The following TNS1 variants were observed in gnomAD, a reference collection of about 807,000 sequenced individuals.
TNS1 encodes tensin-1.
In TNS1, 62 loss-of-function variants were observed where a neutral mutation model predicts 168.6. The ratio of observed to expected loss-of-function variants is 0.37; its 90% CI spans 0.30 to 0.45. The LOEUF (loss-of-function observed/expected upper bound fraction) is 0.45, where lower values mean the gene tolerates loss of function less well. Among genes scored for constraint, TNS1 ranks in the 20% least tolerant of loss-of-function variants. The pLI is 1.00. For synonymous variants in TNS1, 934 were observed against 933.2 expected (o/e 1.00, Z -0.02); for missense variants, 2,240 against 2,339.4 (o/e 0.96, Z 0.88).
At chr2:217,876,455 G>C (rs940882148) in intron 18 of TNS1, among the ~76,000 whole-genome samples, 1 of 152,186 alleles carries the variant, frequency 6.6e-6, no homozygotes, top group African/African-American at 2.4e-5. Flanking sequence ...GAGAGGCAGA[G>C]GTGCCCGCAA....
upstream of TNS1, among the ~76,000 whole-genome samples, chr2:218,007,858 C>A (rs928065617): frequency 6.6e-6 from 1 of 152,168 alleles, no homozygotes; most frequent in Non-Finnish European, 1.5e-5. Flanking sequence ...CCCATCCATG[C>A]CCTACCCACC....
At chr2:217,811,873 C>T (rs1559146520) in intron 28 of TNS1, among the ~76,000 whole-genome samples, 1 of 152,206 alleles carries the variant, frequency 6.6e-6, no homozygotes, top group African/African-American at 2.4e-5. Context: ...AGCTCAGCAT[C>T]CCCTTAGTCA....
chr2:217,860,177 C>T (rs915188639), intron 18 of TNS1, among the ~76,000 whole-genome samples: 2 of 152,224 alleles, frequency 1.3e-5, no homozygotes, highest in Non-Finnish European at 2.9e-5. Flanking sequence ...CACAGCCCAA[C>T]TACTCCCTGT....
chr2:217,852,994 C>A (rs376898989), intron 18 of TNS1, among the ~76,000 whole-genome samples: 2 of 152,108 alleles, frequency 1.3e-5, no homozygotes, highest in Non-Finnish European at 2.9e-5. Flanking sequence ...TCTGCTGAAA[C>A]CCCAGCATAG....
chr2:217,973,746 C>T (rs760622270), intron 3 of TNS1, among the ~76,000 whole-genome samples: 2 of 152,172 alleles, frequency 1.3e-5, no homozygotes, highest in Admixed American at 6.5e-5. Context: ...ATGGGGCCAC[C>T]GTGAGCCCTG....
rs3791979 is a variant in TNS1 at position 217,802,649 on chromosome 2, T to C, written c.*1810A>G. On this transcript the variant is annotated 3_prime_UTR_variant, in exon 33 of 33. Coordinates refer to ENST00000682258, the MANE Select transcript of TNS1 (RefSeq NM_001387777.1). ...CCAGGGCAAGGAGACCCTGGCTGCT[T>C]CAAGAACAAAGGCCCCCTACACTTC... 99,819 of 152,438 alleles carry C rather than the reference T, an allele frequency of 0.65. 33,458 individuals are homozygous for C. Among genetic ancestry groups the C allele is most frequent in the African/African-American group, 0.8 (33,244 of 41,504 alleles). 9.4% of individuals were successfully genotyped at this position (152,438 alleles called of 1,614,324 possible). A position where few individuals can be genotyped will look rare whatever the true frequency, so the allele number is the denominator to read the frequency against.
At chr2:217,938,153 T>C (rs1362876159) in intron 3 of TNS1, among the ~76,000 whole-genome samples, 1 of 152,158 alleles carries the variant, frequency 6.6e-6, no homozygotes. Flanking sequence ...AAGCCCATTC[T>C]TTCTCCAAAA....
intron 4 of TNS1, among the ~76,000 whole-genome samples, chr2:217,911,533 C>T (rs904280286): frequency 6.6e-6 from 1 of 152,236 alleles, no homozygotes; most frequent in South Asian, 2.1e-4. Context: ...TTTTCATAAA[C>T]TTATTGCAAG....
chr2:217,907,098 C>A, intron 5 of TNS1, 112 bp downstream of exon 5: 1 of 659,468 alleles, frequency 1.5e-6, no homozygotes, highest in South Asian at 1.6e-5. Flanking sequence ...ACTCCGGAAG[C>A]ATTTCCCCAA....
chr2:217,961,813 G>T (rs1320693396), intron 3 of TNS1, among the ~76,000 whole-genome samples: 1 of 152,090 alleles, frequency 6.6e-6, no homozygotes, highest in Non-Finnish European at 1.5e-5. Context: ...CTAGGCTATA[G>T]TACCCAGTGA....
chr2:217,859,619 T>A, intron 18 of TNS1: 1 of 1,533,742 alleles, frequency 6.5e-7, no homozygotes, highest in South Asian at 1.2e-5. Flanking sequence ...AAGGCCAGTG[T>A]GTGTCTGGCC....
At chr2:217,875,870 C>T (rs1410716640) in intron 18 of TNS1, among the ~76,000 whole-genome samples, 3 of 152,256 alleles carry the variant, frequency 2.0e-5, no homozygotes, top group South Asian at 2.1e-4. Flanking sequence ...CACCAGCCCC[C>T]GGTTCTGGTG....
chr2:217,900,736 C>T, intron 6 of TNS1: 1 of 572,836 alleles, frequency 1.7e-6, no homozygotes, highest in East Asian at 3.1e-5. Flanking sequence ...CCCAGAGGGA[C>T]AAAAGGAAGA....
intron 3 of TNS1, among the ~76,000 whole-genome samples, chr2:217,945,569 G>A (rs1329188815): frequency 6.6e-6 from 1 of 152,178 alleles, no homozygotes; most frequent in Non-Finnish European, 1.5e-5. Flanking sequence ...AGAGGGTCTG[G>A]GTTCTGAGTC....
Position 217,855,410 on chromosome 2 carries a change from C to A in TNS1, c.1430-6323G>T, listed in dbSNP as rs182431501. 2.6e-5 allele frequency among the ~76,000 whole-genome samples: 4 copies of A among 152,346 alleles called. No homozygotes were observed. The East Asian group carries it at 7.7e-4, about 29-fold the overall frequency. On this transcript the variant is annotated intron_variant, in intron 18 of 32. Transcript: ENST00000682258. ...CTTAATCTAACTTCTTCCCTACTGT[C>A]CTCCAGACTCAGGTAAACCTCTACG... is the stretch of plus-strand genomic sequence containing the variant.
chr2:217,854,111 T>G (rs1017197488), intron 18 of TNS1, among the ~76,000 whole-genome samples: 1 of 152,098 alleles, frequency 6.6e-6, no homozygotes, highest in African/African-American at 2.4e-5. Context: ...GAATCTGCAT[T>G]TTTGCCAGCT....
At chr2:217,892,687 G>A (rs1217037485) in intron 11 of TNS1, among the ~76,000 whole-genome samples, 1 of 152,094 alleles carries the variant, frequency 6.6e-6, no homozygotes, top group Admixed American at 6.5e-5. Flanking sequence ...GGAGCTGGCC[G>A]CATGGGTTGC....
chr2:217,856,670 C>CATAAAAAGATTTTTTG (rs1559248348), intron 18 of TNS1, among the ~76,000 whole-genome samples: 24 of 152,064 alleles, frequency 1.6e-4, no homozygotes, highest in Middle Eastern at 3.4e-3. Context: ...GTTGGGAACA[C>CATAAAAAGATTTTTTG]GTAAAAAGAT....
chr2:217,918,354 C>T (rs974556444), intron 4 of TNS1, among the ~76,000 whole-genome samples: 2 of 152,112 alleles, frequency 1.3e-5, no homozygotes, highest in Admixed American at 6.5e-5. Context: ...GCTGGGGAGG[C>T]GGGTTGTGAC....
Sources: gnomAD v4.1 joint callset for allele counts (sites outside exome capture counted in the v4.1 genomes callset) on GRCh38, gnomAD v4.1.1 for gene constraint, MANE v1.5 for transcripts, NCBI Gene and HGNC (gene_info 2026-07-23, HGNC 2026-07-21) for gene names.